The following CACNA2D3 variants were observed in gnomAD, a reference collection of about 807,000 sequenced individuals.
CACNA2D3 encodes voltage-dependent calcium channel subunit alpha-2/delta-3.
Under a neutral mutation model 160.6 loss-of-function variants are expected in CACNA2D3, and 60 were observed. That is an observed-to-expected ratio of 0.37 (90% confidence interval 0.30 to 0.46). The LOEUF (loss-of-function observed/expected upper bound fraction) is 0.46. Ranked by LOEUF, CACNA2D3 falls within the 20% of genes least tolerant of loss-of-function variation. The pLI is 1.00. For synonymous variants in CACNA2D3, 558 were observed against 492.9 expected, an observed-to-expected ratio of 1.13 and a Z score of -1.75; for missense variants, 1,205 against 1,365.0, an observed-to-expected ratio of 0.88 and a Z score of 1.85.
chr3:54,621,919 CTTTT>C (rs371773575), intron 9 of CACNA2D3, among the ~76,000 whole-genome samples: 2 of 152,132 alleles, frequency 1.3e-5, no homozygotes. Context: ...GAAAGTCTCA[CTTTT>C]TTTTCTGTCA....
intron 13 of CACNA2D3, among the ~76,000 whole-genome samples, chr3:54,777,496 G>T (rs1317810685): frequency 6.6e-6 from 1 of 152,194 alleles, no homozygotes; most frequent in Admixed American, 6.5e-5. Context: ...AAAGCCAGTA[G>T]TTTATTCAGG....
chr3:55,035,503 TAA>T (rs1346552133), intron 35 of CACNA2D3, among the ~76,000 whole-genome samples: 2 of 152,212 alleles, frequency 1.3e-5, no homozygotes, highest in African/African-American at 4.8e-5. Context: ...TCAGGATGTA[TAA>T]AGTCACACAG....
At chr3:54,211,388 G>A (rs529276395) in intron 2 of CACNA2D3, among the ~76,000 whole-genome samples, 18 of 152,190 alleles carry the variant, frequency 1.2e-4, no homozygotes, top group Non-Finnish European at 1.5e-4. Context: ...CCACAGTGCC[G>A]CCATGAATAC....
intron 31 of CACNA2D3, among the ~76,000 whole-genome samples, chr3:54,990,670 T>C (rs3821655): frequency 0.48 from 73,395 of 152,008 alleles, 18,776 homozygotes; most frequent in African/African-American, 0.67. Context: ...GTCTTGGTCA[T>C]TTTGCTGCCT....
chr3:54,323,468 C>CTTTT (rs11414571), intron 3 of CACNA2D3, among the ~76,000 whole-genome samples: 1 of 138,500 alleles, frequency 7.2e-6, no homozygotes, highest in African/African-American at 2.7e-5. Context: ...TTTTTCTTTT[C>CTTTT]TTTTTTTTTT....
intron 14 of CACNA2D3, among the ~76,000 whole-genome samples, chr3:54,824,900 C>G (rs1438908751): frequency 6.6e-6 from 1 of 152,104 alleles, no homozygotes; most frequent in Admixed American, 6.5e-5. Context: ...TAAAAATAGG[C>G]AAAAAGAACT....
At chr3:54,362,175 G>T (rs1376151253) in intron 3 of CACNA2D3, among the ~76,000 whole-genome samples, 1 of 152,322 alleles carries the variant, frequency 6.6e-6, no homozygotes, top group African/African-American at 2.4e-5. Context: ...CAGCAGAGCT[G>T]GTTTTCCTGC....
At chr3:54,869,628 A>G (rs905189133) in intron 17 of CACNA2D3, among the ~76,000 whole-genome samples, 44 of 152,216 alleles carry the variant, frequency 2.9e-4, no homozygotes, top group African/African-American at 9.4e-4. Context: ...TTTCTGGGGT[A>G]CCTAATAGTT....
chr3:54,169,670 CTTGTATGTGT>C (rs1344598057), intron 2 of CACNA2D3, among the ~76,000 whole-genome samples: 1 of 148,702 alleles, frequency 6.7e-6, no homozygotes, highest in Non-Finnish European at 1.5e-5. Context: ...TGCGTGCGTG[CTTGTATGTGT>C]GTGTATGTGT....
intron 4 of CACNA2D3, among the ~76,000 whole-genome samples, chr3:54,393,749 A>G (rs1337829755): frequency 6.6e-6 from 1 of 152,194 alleles, no homozygotes; most frequent in African/African-American, 2.4e-5. Context: ...CCCTGGGCTG[A>G]TCTGACGTGG....
At chr3:54,883,367 A>T (rs1699847428) in intron 21 of CACNA2D3, among the ~76,000 whole-genome samples, 1 of 152,208 alleles carries the variant, frequency 6.6e-6, no homozygotes, top group Admixed American at 6.5e-5. Context: ...TGTTCAACAA[A>T]TTAGAGCTTA....
At chr3:54,263,829 A>G (rs1267159372) in intron 2 of CACNA2D3, among the ~76,000 whole-genome samples, 1 of 152,168 alleles carries the variant, frequency 6.6e-6, no homozygotes, top group Non-Finnish European at 1.5e-5. Context: ...TAAGGTACGC[A>G]TGATGTCTGT....
At chr3:54,528,612 C>A (rs1701761125) in intron 5 of CACNA2D3, among the ~76,000 whole-genome samples, 1 of 152,122 alleles carries the variant, frequency 6.6e-6, no homozygotes, top group South Asian at 2.1e-4. Flanking sequence ...ATGAACCTTA[C>A]TTATTTCTTT....
chr3:54,499,301 C>T (rs995459852), intron 4 of CACNA2D3, among the ~76,000 whole-genome samples: 3 of 152,032 alleles, frequency 2.0e-5, no homozygotes, highest in African/African-American at 7.2e-5. Context: ...CTCATGTACC[C>T]CTTCCCTTTG....
At chr3:54,429,389 T>C (rs183149708) in intron 4 of CACNA2D3, among the ~76,000 whole-genome samples, 32 of 152,176 alleles carry the variant, frequency 2.1e-4, no homozygotes, top group Non-Finnish European at 3.4e-4. Context: ...TCTCCTTGTT[T>C]CCTTTATTTC....
intron 5 of CACNA2D3, among the ~76,000 whole-genome samples, chr3:54,561,903 A>G (rs1224181348): frequency 6.6e-6 from 1 of 152,238 alleles, no homozygotes; most frequent in Non-Finnish European, 1.5e-5. Context: ...GCAGAAGGCA[A>G]AGGAGGAGCA....
chr3:54,171,825 C>T (rs572184700), intron 2 of CACNA2D3, among the ~76,000 whole-genome samples: 1 of 152,276 alleles, frequency 6.6e-6, no homozygotes, highest in East Asian at 1.9e-4. Context: ...CTGTCTCTTC[C>T]CATGTCTGTC....
chr3:54,286,926 A>G (rs1329824550), intron 2 of CACNA2D3, among the ~76,000 whole-genome samples: 1 of 152,226 alleles, frequency 6.6e-6, no homozygotes, highest in East Asian at 1.9e-4. Flanking sequence ...TCCTGAAAGA[A>G]GCACTAAACA....
intron 9 of CACNA2D3, among the ~76,000 whole-genome samples, chr3:54,614,149 T>C (rs1022881265): frequency 6.6e-6 from 1 of 152,204 alleles, no homozygotes; most frequent in Non-Finnish European, 1.5e-5. Context: ...ATAAAATGTG[T>C]ACCATGAGGA....
Sources: allele counts gnomAD v4.1 joint callset (sites outside exome capture counted in the v4.1 genomes callset), GRCh38; gene constraint gnomAD v4.1.1; transcripts MANE v1.5; gene names NCBI Gene and HGNC (gene_info 2026-07-23, HGNC 2026-07-21).